The following ANO3 variants were observed in gnomAD, a reference collection of about 807,000 sequenced individuals.
ANO3 encodes anoctamin 3.
In ANO3, 99 loss-of-function variants were observed where a neutral mutation model predicts 144.8. That is an observed-to-expected ratio of 0.68 (90% CI 0.58 to 0.81). The LOEUF is 0.81. ANO3 is among the 30% of genes least tolerant of loss of function. The pLI is 0.00. For missense variants in ANO3, 905 were observed against 1,202.2 expected, an observed-to-expected ratio of 0.75 and a Z score of 3.66; for synonymous variants, 414 against 392.6, an observed-to-expected ratio of 1.05 and a Z score of -0.64.
intron 1 of ANO3, among the ~76,000 whole-genome samples, chr11:26,340,745 T>C (rs1855334619): frequency 1.3e-5 from 2 of 152,246 alleles, no homozygotes; most frequent in South Asian, 2.1e-4. Context: ...TACTTAGTTG[T>C]ATACATGCAT....
intron 8 of ANO3, among the ~76,000 whole-genome samples, chr11:26,532,807 T>C (rs530184973): frequency 6.6e-6 from 1 of 152,224 alleles, no homozygotes; most frequent in Admixed American, 6.5e-5. Context: ...TGACCTAAAG[T>C]GCCCTTGTCC....
At chr11:26,193,082 C>A (rs1851509070) in intron 1 of ANO3, among the ~76,000 whole-genome samples, 1 of 151,812 alleles carries the variant, frequency 6.6e-6, no homozygotes, top group African/African-American at 2.4e-5. Flanking sequence ...CTGCCGTTGC[C>A]CCCCACCCCT....
intron 14 of ANO3, chr11:26,563,248 T>C (rs1388892780): frequency 1.9e-6 from 3 of 1,598,260 alleles, no homozygotes; most frequent in African/African-American, 1.3e-5. Context: ...CCGAATACTA[T>C]TCCTGTATTT....
chr11:26,351,929 T>C (rs559086758), intron 1 of ANO3, among the ~76,000 whole-genome samples: 1 of 152,282 alleles, frequency 6.6e-6, no homozygotes, highest in Admixed American at 6.5e-5. Context: ...AAGGGACTGT[T>C]TGGCATCCTT....
chr11:26,194,541 C>T (rs74983720), intron 1 of ANO3, among the ~76,000 whole-genome samples: 2,287 of 148,926 alleles, frequency 0.015, 48 homozygotes, highest in East Asian at 0.13. Flanking sequence ...GCTCTTGTTG[C>T]CCAGGCTGGA....
intron 1 of ANO3, among the ~76,000 whole-genome samples, chr11:26,392,317 G>T (rs1564998927): frequency 6.8e-6 from 1 of 147,608 alleles, no homozygotes; most frequent in Non-Finnish European, 1.5e-5. Context: ...TTTTTACACT[G>T]TATTTAGAGT....
chr11:26,274,720 G>T (rs1025678872), intron 1 of ANO3, among the ~76,000 whole-genome samples: 1 of 151,982 alleles, frequency 6.6e-6, no homozygotes, highest in Admixed American at 6.6e-5. Context: ...TTTGCTTTAG[G>T]TTAGGACATC....
intron 1 of ANO3, among the ~76,000 whole-genome samples, chr11:26,190,775 G>C (rs570683634): frequency 1.4e-4 from 21 of 152,212 alleles, no homozygotes; most frequent in African/African-American, 5.1e-4. Flanking sequence ...CATTTCCAGA[G>C]ATGCATACTA....
chr11:26,613,377 A>C (rs1203267007), intron 17 of ANO3, among the ~76,000 whole-genome samples: 1 of 151,976 alleles, frequency 6.6e-6, no homozygotes, highest in Non-Finnish European at 1.5e-5. Context: ...TTTCTCATTC[A>C]GATCATTGGT....
At chr11:26,549,929 G>A (rs1261748065) in intron 12 of ANO3, among the ~76,000 whole-genome samples, 1 of 151,732 alleles carries the variant, frequency 6.6e-6, no homozygotes, top group African/African-American at 2.4e-5. Context: ...GGATTTCCAA[G>A]CCCTCTCTTG....
At chr11:26,343,835 G>C (rs895613612) in intron 1 of ANO3, among the ~76,000 whole-genome samples, 16 of 152,096 alleles carry the variant, frequency 1.1e-4, no homozygotes, top group Admixed American at 3.3e-4. Flanking sequence ...AGAATGGTTT[G>C]TAGTAGTACA....
chr11:26,473,919 C>G (rs777499370), intron 4 of ANO3: 10 of 984,630 alleles, frequency 1.0e-5, no homozygotes, highest in South Asian at 9.4e-5. Flanking sequence ...TATTCAAACT[C>G]TGGCATTTAG....
chr11:26,335,202 T>C (rs1855161585), intron 1 of ANO3, among the ~76,000 whole-genome samples: 1 of 152,208 alleles, frequency 6.6e-6, no homozygotes, highest in Non-Finnish European at 1.5e-5. Flanking sequence ...TAAGCCACAG[T>C]AACTGCTTAT....
intron 1 of ANO3, among the ~76,000 whole-genome samples, chr11:26,400,084 A>T (rs1359585104): frequency 6.6e-6 from 1 of 151,904 alleles, no homozygotes; most frequent in Non-Finnish European, 1.5e-5. Context: ...AAGTGTAATA[A>T]TTGTACAAAG....
At chr11:26,492,583 C>T (rs1236931728) in intron 4 of ANO3, among the ~76,000 whole-genome samples, 1 of 152,198 alleles carries the variant, frequency 6.6e-6, no homozygotes, top group African/African-American at 2.4e-5. Flanking sequence ...TCCTGTCCCA[C>T]ACTCAAAATA....
At chr11:26,274,419 T>G (rs1374120523) in intron 1 of ANO3, among the ~76,000 whole-genome samples, 1 of 152,078 alleles carries the variant, frequency 6.6e-6, no homozygotes, top group East Asian at 1.9e-4. Flanking sequence ...AATTTTTCAG[T>G]AATACAAATA....
intron 1 of ANO3, among the ~76,000 whole-genome samples, chr11:26,326,368 C>T (rs1219071141): frequency 6.6e-6 from 1 of 152,034 alleles, no homozygotes; most frequent in Non-Finnish European, 1.5e-5. Flanking sequence ...AACCTTTTCG[C>T]CCCATCTCCT....
intron 1 of ANO3, among the ~76,000 whole-genome samples, chr11:26,405,392 A>G (rs1857253558): frequency 6.6e-6 from 1 of 151,796 alleles, no homozygotes; most frequent in Non-Finnish European, 1.5e-5. Context: ...TATGTCCTAA[A>G]TGTGTGTGCT....
intron 1 of ANO3, among the ~76,000 whole-genome samples, chr11:26,246,199 ATTCT>A (rs1044146446): frequency 3.9e-5 from 6 of 152,086 alleles, no homozygotes; most frequent in Non-Finnish European, 7.4e-5. Flanking sequence ...TAACATATTT[ATTCT>A]TTCTGAAGGT....
Sources: gnomAD v4.1 joint callset for allele counts (sites outside exome capture counted in the v4.1 genomes callset) on GRCh38, gnomAD v4.1.1 for gene constraint, MANE v1.5 for transcripts, NCBI Gene and HGNC (gene_info 2026-07-23, HGNC 2026-07-21) for gene names.